ADGRL2: variants seen among roughly 807,000 people sequenced by gnomAD.
ADGRL2 encodes adhesion G protein-coupled receptor L2.
ADGRL2 carries 44 observed loss-of-function variants against 157.4 expected under a neutral mutation model. The observed-to-expected ratio is 0.28, with a 90% CI of 0.22 to 0.36. The LOEUF (loss-of-function observed/expected upper bound fraction) is 0.36. ADGRL2 is among the 10% of genes least tolerant of loss of function. ADGRL2 has a pLI of 1.00. For synonymous variants in ADGRL2, 585 were observed against 624.7 expected (o/e 0.94, Z 0.95); for missense variants, 1,510 against 1,768.9 (o/e 0.85, Z 2.63).
chr1:81,820,230 G>T (rs571458440), intron 1 of ADGRL2, among the ~76,000 whole-genome samples: 11 of 152,136 alleles, frequency 7.2e-5, no homozygotes, highest in Non-Finnish European at 7.3e-5. Flanking sequence ...GCTTATCATC[G>T]ATTATAATGA....
chr1:81,592,791 T>C (rs2081157384), intron 3 of ADGRL2, among the ~76,000 whole-genome samples: 2 of 151,598 alleles, frequency 1.3e-5, no homozygotes, highest in South Asian at 2.1e-4. Context: ...GAAGGAGGTG[T>C]AGGGGTGGGG....
chr1:81,717,416 C>T (rs937244239), intron 1 of ADGRL2, among the ~76,000 whole-genome samples: 1 of 152,170 alleles, frequency 6.6e-6, no homozygotes, highest in African/African-American at 2.4e-5. Context: ...AGACACAGAT[C>T]ATATGACTAA....
chr1:81,652,161 G>T (rs976560217), intron 3 of ADGRL2, among the ~76,000 whole-genome samples: 2 of 152,058 alleles, frequency 1.3e-5, no homozygotes, highest in African/African-American at 4.8e-5. Context: ...AAAACAGCAA[G>T]AATATTTAGC....
chr1:81,682,026 T>C (rs1356651253), intron 3 of ADGRL2, among the ~76,000 whole-genome samples: 1 of 152,142 alleles, frequency 6.6e-6, no homozygotes, highest in Non-Finnish European at 1.5e-5. Context: ...AAAAGCATTT[T>C]AAAAAGCAAC....
In ADGRL2 at chr1:81,532,561, A is replaced by C. The variant is rs557277641; in HGVS notation, c.-247-48315A>C. ...AGGCTGAACAAAAACCAAATTTATC[A>C]TATAATTTAGTGGTCATTTTTTTAT... On this transcript the variant is annotated intron_variant, in intron 2 of 24. Coordinates refer to the ADGRL2 transcript ENST00000370721. Among the ~76,000 whole-genome samples the C allele has an allele frequency of 1.4e-4, 21 of 151,402 alleles. No individual in the cohort carries two copies. The East Asian group carries it at 3.7e-3, about 27-fold the overall frequency.
At chr1:81,740,371 T>C (rs1164610056) in intron 1 of ADGRL2, among the ~76,000 whole-genome samples, 1 of 152,216 alleles carries the variant, frequency 6.6e-6, no homozygotes, top group Non-Finnish European at 1.5e-5. Flanking sequence ...ATTTCTAGTT[T>C]ATTTAGTAGC....
At position 81,907,055 on chromosome 1, in the gene ADGRL2, C is replaced by G; in HGVS notation, c.112C>G (p.Arg38Gly). 2 of 1,613,972 alleles carry G rather than the reference C, an allele frequency of 1.2e-6. No individual in the cohort carries two copies. The highest frequency in any genetic ancestry group is 1.7e-6 in the Non-Finnish European group (2 of 1,179,976). ...RAALPFGLVRRELSCEGYSID... is the reference protein window; with the variant it reads ...RAALPFGLVRGELSCEGYSID... ...AGCTTTACCATTTGGGCTGGTGAGG[C>G]GAGAATTATCCTGTGAAGGTTATTC... is the stretch of plus-strand genomic sequence containing the variant. The change falls in exon 3 of 24, where the codon CGA becomes GGA. Residue 38 changes from arginine (R) to glycine (G), a missense_variant. Physicochemically the swap from Arg to Gly is moderately radical, Grantham distance 125 (BLOSUM62 -2). This residue lies in a region of ADGRL2 where 361 missense variants were observed against 498.4 expected (regional missense o/e 0.72). Transcript: ENST00000686636.
At chr1:81,801,220 G>T (rs1035547597) in intron 1 of ADGRL2, among the ~76,000 whole-genome samples, 152 bp downstream of exon 1, 2 of 152,216 alleles carry the variant, frequency 1.3e-5, no homozygotes, top group Non-Finnish European at 2.9e-5. Context: ...CTTCTTTTGA[G>T]TTTGCCCGAG....
intron 2 of ADGRL2, among the ~76,000 whole-genome samples, chr1:81,521,527 T>A (rs1196526662): frequency 6.6e-6 from 1 of 152,184 alleles, no homozygotes; most frequent in East Asian, 1.9e-4. Flanking sequence ...AAATATCTTA[T>A]ACTTACCTAT....
chr1:81,351,864 A>C (rs1662917560), intron 1 of ADGRL2, among the ~76,000 whole-genome samples: 1 of 152,266 alleles, frequency 6.6e-6, no homozygotes, highest in South Asian at 2.1e-4. Context: ...CAGTTTAAAA[A>C]GATTAAGAGC....
At chr1:81,477,275 GTC>G (rs776971336) in intron 2 of ADGRL2, among the ~76,000 whole-genome samples, 88,314 of 151,876 alleles carry the variant, frequency 0.58, 28,539 homozygotes, top group Non-Finnish European at 0.73. Flanking sequence ...CCAATAGGCT[GTC>G]ATATCGTAAA....
At chr1:81,594,161 T>A (rs1471470805) in intron 3 of ADGRL2, among the ~76,000 whole-genome samples, 1 of 152,184 alleles carries the variant, frequency 6.6e-6, no homozygotes, top group Non-Finnish European at 1.5e-5. Context: ...ATATATCTGA[T>A]CCCCATCATC....
At chr1:81,790,863 G>A (rs2087303876) in intron 2 of ADGRL2, among the ~76,000 whole-genome samples, 1 of 151,954 alleles carries the variant, frequency 6.6e-6, no homozygotes, top group South Asian at 2.1e-4. Flanking sequence ...ACAAATGTGA[G>A]CAGGCAGCCT....
intron 2 of ADGRL2, among the ~76,000 whole-genome samples, chr1:81,884,296 C>T (rs2094070320): frequency 6.6e-6 from 1 of 152,110 alleles, no homozygotes; most frequent in Admixed American, 6.5e-5. Flanking sequence ...CCTTTTTGCC[C>T]AGCCCATGAG....
At chr1:81,936,559 AC>A (rs35434457) in intron 3 of ADGRL2, among the ~76,000 whole-genome samples, 168 bp from the exon 4 acceptor site, 7,430 of 151,990 alleles carry the variant, frequency 0.049, 513 homozygotes, top group African/African-American at 0.15. Flanking sequence ...CATAAAGAAA[AC>A]AAAACTCTTA....
rs576949905 is a variant in ADGRL2 at position 81,837,187 on chromosome 1, T to C, written c.73+130T>C. ...AGGTGTTAAAATTATTTCCTGAATA[T>C]TGAATTGTTTATTAGGTGGTTGAGT... is the stretch of plus-strand genomic sequence containing the variant. On this transcript the variant is annotated intron_variant, in intron 2 of 23. Coordinates refer to ENST00000686636, the MANE Select transcript of ADGRL2 (RefSeq NM_001366006.2). 14 of 500,156 alleles carry C rather than the reference T, an allele frequency of 2.8e-5. No individual in the cohort carries two copies. The Admixed American group carries it at 4.2e-4, about 15-fold the overall frequency. 31.0% of individuals were successfully genotyped at this position (500,156 alleles called of 1,614,324 possible). A position where few individuals can be genotyped will look rare whatever the true frequency, so the allele number is the denominator to read the frequency against.
At chr1:81,778,750 T>C (rs945623141) in intron 2 of ADGRL2, among the ~76,000 whole-genome samples, 14 of 152,160 alleles carry the variant, frequency 9.2e-5, no homozygotes, top group African/African-American at 3.4e-4. Context: ...GAAGTTCTCC[T>C]TGTAATAATT....
intron 1 of ADGRL2, among the ~76,000 whole-genome samples, chr1:81,745,665 G>A (rs2085222027): frequency 6.6e-6 from 1 of 152,088 alleles, no homozygotes; most frequent in South Asian, 2.1e-4. Flanking sequence ...TATGTGAAAA[G>A]CATAAATATT....
chr1:81,383,485 A>G (rs1023768993), intron 1 of ADGRL2, among the ~76,000 whole-genome samples: 4 of 152,116 alleles, frequency 2.6e-5, no homozygotes, highest in African/African-American at 9.7e-5. Context: ...CTTAAACAAC[A>G]ACAAAAACTT....
Sources: gnomAD v4.1 joint callset for allele counts (sites outside exome capture counted in the v4.1 genomes callset) on GRCh38, gnomAD v4.1.1 for gene constraint, gnomAD v4.1.1 regional missense constraint, MANE v1.5 for transcripts, NCBI Gene and HGNC (gene_info 2026-07-23, HGNC 2026-07-21) for gene names.